Variants in SP140 observed in about 807,000 individuals in gnomAD.
SP140 encodes the protein nuclear body protein SP140.
SP140 carries 81 observed loss-of-function variants against 125.0 expected under a neutral mutation model. That is an observed-to-expected ratio of 0.65 (90% CI 0.54 to 0.78). SP140 has a LOEUF of 0.78. Ranked by LOEUF, SP140 falls within the 30% of genes least tolerant of loss-of-function variation. The pLI is 0.00. For synonymous variants in SP140, 312 were observed against 354.0 expected (o/e 0.88, Z 1.33); for missense variants, 858 against 1,037.0 (o/e 0.83, Z 2.37).
At chr2:230,308,742 C>A (rs956796814) in intron 22 of SP140, among the ~76,000 whole-genome samples, 2 of 152,212 alleles carry the variant, frequency 1.3e-5, no homozygotes, top group African/African-American at 4.8e-5. Context: ...TGCAAGCGGT[C>A]CTCTTGATCA....
At chr2:230,303,002 T>C (rs1471928091) in intron 22 of SP140, among the ~76,000 whole-genome samples, 1 of 151,656 alleles carries the variant, frequency 6.6e-6, no homozygotes, top group East Asian at 1.9e-4. Flanking sequence ...CTGAAGGAAC[T>C]AGAGAAAGAA....
chr2:230,222,122 C>G (rs142775929), upstream of SP140, among the ~76,000 whole-genome samples: 2 of 151,222 alleles, frequency 1.3e-5, no homozygotes, highest in Non-Finnish European at 2.9e-5. Context: ...CCGAGCTACT[C>G]GGGAGGCTGA....
chr2:230,253,057 A>G (rs991213553), intron 10 of SP140, among the ~76,000 whole-genome samples: 2 of 152,182 alleles, frequency 1.3e-5, no homozygotes, highest in African/African-American at 4.8e-5. Flanking sequence ...CTAAAAAAGA[A>G]AAAAGACATA....
intron 15 of SP140, among the ~76,000 whole-genome samples, chr2:230,274,786 T>C (rs183117492): frequency 6.6e-6 from 1 of 152,232 alleles, no homozygotes; most frequent in Admixed American, 6.5e-5. Context: ...GATTTTAAAA[T>C]ACTTGTTCCC....
the SP140 span, among the ~76,000 whole-genome samples, chr2:230,188,461 A>G: frequency 1.3e-5 from 2 of 152,080 alleles, no homozygotes; most frequent in Non-Finnish European, 2.9e-5. Context: ...TTCTTTTCCA[A>G]TTTGGATGTC....
intron 1 of SP140, chr2:230,203,325 G>T: frequency 6.2e-6 from 1 of 160,250 alleles, no homozygotes; most frequent in Non-Finnish European, 1.4e-5. Flanking sequence ...TTCACCGGCT[G>T]TTGACTTTAG....
At chr2:230,262,962 T>G (rs2052517524) in intron 12 of SP140, among the ~76,000 whole-genome samples, 1 of 152,192 alleles carries the variant, frequency 6.6e-6, no homozygotes, top group South Asian at 2.1e-4. Flanking sequence ...TCTATATATA[T>G]CTGTTAAATC....
chr2:230,235,664 G>C (rs1010551056), intron 1 of SP140, among the ~76,000 whole-genome samples: 2 of 152,074 alleles, frequency 1.3e-5, no homozygotes, highest in African/African-American at 4.8e-5. Context: ...AGATAAATTT[G>C]TTAAGGCCTA....
At chr2:230,232,863 A>G (rs62193139) in intron 1 of SP140, among the ~76,000 whole-genome samples, 14,307 of 152,232 alleles carry the variant, frequency 0.094, 888 homozygotes, top group Non-Finnish European at 0.12. Context: ...AGATTTCCCC[A>G]TTAGTAATCT....
At chr2:230,206,991 G>A (rs2043937248) in intron 1 of SP140, among the ~76,000 whole-genome samples, 1 of 152,036 alleles carries the variant, frequency 6.6e-6, no homozygotes, top group Non-Finnish European at 1.5e-5. Flanking sequence ...ATATCACAAG[G>A]GGTAAAGCCC....
At chr2:230,203,867 G>A (rs1013778442) in intron 1 of SP140, among the ~76,000 whole-genome samples, 7 of 152,136 alleles carry the variant, frequency 4.6e-5, no homozygotes, top group Non-Finnish European at 8.8e-5. Flanking sequence ...TTGTTTAATG[G>A]GTACAGGGTT....
Position 230,295,510 on chromosome 2 carries a change from C to G in SP140, c.2016+1192C>G, listed in dbSNP as rs2057614586. ...TGGCAATTTCCGACTAACCGACTCT[C>G]CCTCTATTCTGGGGTGCAAAACTTA... On this transcript the variant is annotated intron_variant, in intron 21 of 26. Transcript: ENST00000392045. 2.0e-5 allele frequency among the ~76,000 whole-genome samples: 3 copies of G among 152,214 alleles called. No homozygotes were observed. In the South Asian group the frequency reaches 6.2e-4, roughly 31 times the overall value.
intron 21 of SP140, among the ~76,000 whole-genome samples, chr2:230,296,110 G>A (rs1345932836): frequency 6.6e-6 from 1 of 151,976 alleles, no homozygotes. Flanking sequence ...ACATTGTGGT[G>A]TACACCTGTA....
intron 18 of SP140, among the ~76,000 whole-genome samples, chr2:230,290,078 T>C (rs1303424233): frequency 1.3e-5 from 2 of 152,074 alleles, no homozygotes; most frequent in Non-Finnish European, 2.9e-5. Flanking sequence ...CTGAATATGA[T>C]CTCTGGAGTC....
In SP140 at chr2:230,205,389, C is replaced by A. The variant is rs73100099; in HGVS notation, c.-323+2110C>A. 7.6e-3 allele frequency among the ~76,000 whole-genome samples: 1,151 copies of A among 152,280 alleles called. 9 individuals carry two copies. The highest frequency in any genetic ancestry group is 0.026 in the African/African-American group (1,083 of 41,558). ...TTCTTTGCACTTTTGAGTCCCTCTG[C>A]CTGGACCATCCAATCCAAAGTGACT... is the stretch of plus-strand genomic sequence containing the variant. On this transcript the variant is annotated intron_variant, in intron 1 of 4. Coordinates refer to the SP140 transcript ENST00000456542.
At chr2:230,188,400 A>G in the SP140 span, among the ~76,000 whole-genome samples, 1 of 152,204 alleles carries the variant, frequency 6.6e-6, no homozygotes, top group South Asian at 2.1e-4. Flanking sequence ...AGGAGTCTTT[A>G]GGGTTTTCTA....
intron 10 of SP140, among the ~76,000 whole-genome samples, chr2:230,251,644 C>G (rs557631828): frequency 6.6e-6 from 1 of 152,266 alleles, no homozygotes; most frequent in East Asian, 1.9e-4. Flanking sequence ...TTATTACAAA[C>G]TTGACAAAGC....
At chr2:230,203,425 C>T (rs78565060) in intron 1 of SP140, 19,238 of 153,332 alleles carry the variant, frequency 0.13, 1,367 homozygotes, top group South Asian at 0.27. Context: ...GCCATGCTTC[C>T]CGCACGCAAG....
the SP140 span, among the ~76,000 whole-genome samples, chr2:230,189,870 A>T: frequency 6.6e-6 from 1 of 152,238 alleles, no homozygotes; most frequent in South Asian, 2.1e-4. Flanking sequence ...AAAGGACATG[A>T]TCTTATTACT....
Sources: gnomAD v4.1 joint callset for allele counts (sites outside exome capture counted in the v4.1 genomes callset) on GRCh38, gnomAD v4.1.1 for gene constraint, MANE v1.5 for transcripts, NCBI Gene and HGNC (gene_info 2026-07-23, HGNC 2026-07-21) for gene names.